SNRNP35: variants seen among roughly 807,000 people sequenced by gnomAD.
SNRNP35 encodes the protein U11/U12 small nuclear ribonucleoprotein 35 kDa protein.
Under a neutral mutation model 24.3 loss-of-function variants are expected in SNRNP35, and 16 were observed. The observed-to-expected ratio is 0.66, with a 90% CI of 0.45 to 1.00. The LOEUF is 1.00. SNRNP35 is among the 50% of genes least tolerant of loss of function. SNRNP35 has a pLI of 0.00. For synonymous variants in SNRNP35, 106 were observed against 124.8 expected, an observed-to-expected ratio of 0.85 and a Z score of 1.00; for missense variants, 292 against 327.2, an observed-to-expected ratio of 0.89 and a Z score of 0.83.
At chr12:123,458,742 C>T (rs2139276945) in intron 1 of SNRNP35, among the ~76,000 whole-genome samples, 1 of 151,662 alleles carries the variant, frequency 6.6e-6, no homozygotes, top group African/African-American at 2.4e-5. Context: ...ACTACAGGCG[C>T]CCGCCACCAC....
At chr12:123,460,006 A>C (rs1385509076) in intron 1 of SNRNP35, 7 of 763,292 alleles carry the variant, frequency 9.2e-6, no homozygotes, top group Admixed American at 4.2e-5. Context: ...AGTTTTGAAC[A>C]GGAGCTCTGT....
In SNRNP35 at chr12:123,472,337, C is replaced by T. The variant is rs180921742; in HGVS notation, n.1344C>T. On this transcript the variant is annotated non_coding_transcript_exon_variant, in exon 2 of 2. Coordinates refer to the SNRNP35 transcript ENST00000527158. ...TCATCTATTAGAAACAGTGATAGCCCTGGGTATAAATAAACATTTCTTTAG... is the reference window on the plus strand; with the variant it reads ...TCATCTATTAGAAACAGTGATAGCCTTGGGTATAAATAAACATTTCTTTAG... The T allele has an allele frequency of 1.0e-4, 59 of 569,492 alleles. No homozygotes were observed. The highest frequency in any genetic ancestry group is 4.7e-4 in the Middle Eastern group (1 of 2,108). The allele number at this position is 569,492 out of a possible 1,614,324, so 35.3% of individuals were successfully genotyped here. A position where few individuals can be genotyped will look rare whatever the true frequency, so the allele number is the denominator to read the frequency against.
chr12:123,468,116 T>TGGGAGGCCGAGGCGGGCAGATCACCTGA (rs1881039126), downstream of SNRNP35, among the ~76,000 whole-genome samples: 2 of 152,074 alleles, frequency 1.3e-5, no homozygotes, highest in African/African-American at 4.8e-5. Flanking sequence ...CCCAGCACTT[T>TGGGAGGCCGAGGCGGGCAGATCACCTGA]GGGAGGCCGA....
exon 2 of SNRNP35, chr12:123,472,653 C>T (rs1045936858): frequency 3.8e-6 from 6 of 1,598,318 alleles, no homozygotes; most frequent in Admixed American, 1.7e-5. Flanking sequence ...GTTGGCCAGG[C>T]GCTTCTTATC....
downstream of SNRNP35, chr12:123,471,032 A>C (rs1357838196): frequency 2.0e-5 from 3 of 151,318 alleles, no homozygotes; most frequent in South Asian, 6.3e-4. Context: ...AGCAGAGTCC[A>C]TTCTAGATTC....
chr12:123,460,956 C>CTT lies in SNRNP35; in HGVS notation c.-4+2765_-4+2766dup, dbSNP rs35246652. Among the ~76,000 whole-genome samples the CTT allele has an allele frequency of 3.0e-4, 37 of 122,772 alleles. 1 individual carries two copies. Among genetic ancestry groups the CTT allele is most frequent in the African/African-American group, 1.3e-3 (36 of 28,682 alleles). 80.5% of individuals were successfully genotyped at this position (122,772 alleles called of 152,430 possible). A position where few individuals can be genotyped will look rare whatever the true frequency, so the allele number is the denominator to read the frequency against. ...TCAGGCGTGAGCTACTGCGCCTGGCCTTTTTTTTTTTTTTTTTTTTTTTTT... is the reference window on the plus strand; with the variant it reads ...TCAGGCGTGAGCTACTGCGCCTGGCCTTTTTTTTTTTTTTTTTTTTTTTTTTT... On this transcript the variant is annotated intron_variant, in intron 1 of 1. Coordinates refer to ENST00000526639, the MANE Select transcript of SNRNP35 (RefSeq NM_022717.4).
At chr12:123,464,212 C>T (rs575517311) in intron 1 of SNRNP35, among the ~76,000 whole-genome samples, 14 of 149,684 alleles carry the variant, frequency 9.4e-5, no homozygotes, top group Non-Finnish European at 1.8e-4. Context: ...GGATTATAGG[C>T]GTTAGTCACT....
chr12:123,470,086 A>G (rs996281266), downstream of SNRNP35: 2 of 152,150 alleles, frequency 1.3e-5, no homozygotes, highest in African/African-American at 2.4e-5. Flanking sequence ...ATTTTACATA[A>G]TTGCATGTAT....
chr12:123,471,089 T>C (rs996283331), downstream of SNRNP35: 1 of 150,946 alleles, frequency 6.6e-6, no homozygotes, highest in Admixed American at 6.6e-5. Context: ...TTTTTTTTTT[T>C]AGATGAAGTC....
At chr12:123,471,680 C>G (rs1188364170), downstream of SNRNP35, 2 of 152,348 alleles carry the variant, frequency 1.3e-5, no homozygotes, top group African/African-American at 4.8e-5. Context: ...TCCTGCATTG[C>G]CTAGGATCCC....
exon 2 of SNRNP35, chr12:123,472,920 T>C: frequency 2.1e-6 from 1 of 487,782 alleles, no homozygotes; most frequent in Non-Finnish European, 3.7e-6. Context: ...GCATGCATGC[T>C]GATGTGATGT....
At chr12:123,458,399 C>T (rs1274929297) in intron 1 of SNRNP35, among the ~76,000 whole-genome samples, 183 bp downstream of exon 1, 1 of 148,026 alleles carries the variant, frequency 6.8e-6, no homozygotes, top group Non-Finnish European at 1.5e-5. Flanking sequence ...TGGCGCCTTA[C>T]TCCCTGCGGC....
chr12:123,472,213 T>G, exon 2 of SNRNP35: 1 of 269,458 alleles, frequency 3.7e-6, no homozygotes, highest in African/African-American at 2.2e-5. Flanking sequence ...TAGTGGCAAG[T>G]GATGTATTTG....
chr12:123,472,491 G>A (rs1420300788), exon 2 of SNRNP35: 3 of 1,547,498 alleles, frequency 1.9e-6, no homozygotes, highest in Non-Finnish European at 1.7e-6. Context: ...TCGGTTGCAG[G>A]CGCTGGTGGC....
intron 1 of SNRNP35, 80 bp downstream of exon 1, chr12:123,458,296 C>G (rs1880389016): frequency 1.1e-6 from 1 of 919,284 alleles, no homozygotes; most frequent in Admixed American, 6.2e-5. Flanking sequence ...GCTGTGCCCG[C>G]GCTTGTGTGG....
exon 2 of SNRNP35, chr12:123,472,666 G>A (rs1400936405): frequency 3.1e-6 from 5 of 1,598,022 alleles, no homozygotes; most frequent in Admixed American, 1.7e-5. Context: ...TTCTTATCTC[G>A]GGAGAAGAAG....
chr12:123,466,152 C>T lies in SNRNP35; in HGVS notation c.612C>T (p.Asp204=). The T allele has an allele frequency of 1.2e-6, 2 of 1,610,192 alleles. No homozygotes were observed. Among genetic ancestry groups the T allele is most frequent in the Non-Finnish European group, 1.7e-6 (2 of 1,178,606 alleles). ...WDSRTRDRDH[D]RGREKRWQER... ...CGAGGACAAGGGATCGAGACCATGA[C>T]AGGGGCCGGGAGAAGAGATGGCAAG... The change falls in exon 2 of 2, where the codon GAC becomes GAT. Residue 204 remains aspartate, a synonymous_variant. Transcript: ENST00000526639.
intron 1 of SNRNP35, 69 bp downstream of exon 1, chr12:123,458,285 C>A: frequency 1.1e-6 from 1 of 947,610 alleles, no homozygotes; most frequent in Non-Finnish European, 1.3e-6. Context: ...GCGGCCCAGA[C>A]GCTGTGCCCG....
exon 2 of SNRNP35, chr12:123,472,217 G>A (rs1881235047): frequency 7.0e-6 from 2 of 284,982 alleles, no homozygotes; most frequent in Non-Finnish European, 1.3e-5. Flanking sequence ...GGCAAGTGAT[G>A]TATTTGGCTT....
Sources: gnomAD v4.1 joint callset for allele counts (sites outside exome capture counted in the v4.1 genomes callset) on GRCh38, gnomAD v4.1.1 for gene constraint, MANE v1.5 for transcripts, NCBI Gene and HGNC (gene_info 2026-07-23, HGNC 2026-07-21) for gene names.